KIAA0319: variants seen among roughly 807,000 people sequenced by gnomAD.
KIAA0319 encodes the protein KIAA0319, also known as dyslexia-associated protein KIAA0319.
In KIAA0319, 83 loss-of-function variants were observed where a neutral mutation model predicts 108.4. The observed-to-expected ratio is 0.77, with a 90% CI of 0.64 to 0.92. The LOEUF (loss-of-function observed/expected upper bound fraction) is 0.92. Among genes scored for constraint, KIAA0319 ranks in the 40% least tolerant of loss-of-function variants. The pLI is 0.00. For missense variants in KIAA0319, 1,195 were observed against 1,322.4 expected (o/e 0.90, Z 1.49); for synonymous variants, 484 against 510.4 (o/e 0.95, Z 0.70).
Position 24,588,674 on chromosome 6 carries a change from G to T in KIAA0319, c.913C>A (p.Pro305Thr), listed in dbSNP as rs1767940443. Residue 305 changes from proline to threonine, a missense_variant, in exon 4 of 21, where the codon CCA becomes ACA. Pro to Thr is a conservative substitution (Grantham distance 38). Coordinates refer to ENST00000378214, the MANE Select transcript of KIAA0319 (RefSeq NM_014809.4). ...GGGGCTGCGCTAGTGGGAGGTGTTG[G>T]GATGCTGTGCTCTGTACTCCCCGGG... The part of the protein sequence containing the change: ...VTPGSTEHSI[P>T]TPPTSAAPSE... 1 of 1,613,878 alleles carries T rather than the reference G, an allele frequency of 6.2e-7. No homozygotes were observed. Among genetic ancestry groups the T allele is most frequent in the Non-Finnish European group, 8.5e-7 (1 of 1,179,942 alleles).
downstream of KIAA0319, among the ~76,000 whole-genome samples, chr6:24,542,789 C>G (rs956324004): frequency 2.6e-5 from 4 of 152,218 alleles, no homozygotes; most frequent in Non-Finnish European, 5.9e-5. Flanking sequence ...CCCCCAAAAC[C>G]CACACCTTTG....
At chr6:24,588,907 T>A in intron 3 of KIAA0319, 122 bp from the exon 4 acceptor site, 2 of 781,768 alleles carry the variant, frequency 2.6e-6, no homozygotes, top group Non-Finnish European at 4.1e-6. Flanking sequence ...AAACCATGAA[T>A]AATATTGCAA....
chr6:24,589,388 T>G (rs1284739296), intron 3 of KIAA0319, among the ~76,000 whole-genome samples: 1 of 152,210 alleles, frequency 6.6e-6, no homozygotes, highest in Non-Finnish European at 1.5e-5. Flanking sequence ...TATAAATGTC[T>G]GTTGTTTAAG....
At chr6:24,613,680 A>G (rs991803911) in intron 1 of KIAA0319, among the ~76,000 whole-genome samples, 11 of 82,950 alleles carry the variant, frequency 1.3e-4, no homozygotes, top group East Asian at 9.9e-4. Flanking sequence ...CATTTGAGGG[A>G]AAAAAAAAAA....
intron 1 of KIAA0319, among the ~76,000 whole-genome samples, chr6:24,608,197 G>C (rs190039399): frequency 2.4e-4 from 36 of 152,026 alleles, no homozygotes; most frequent in Admixed American, 1.8e-3. Context: ...ACTTTAAAAT[G>C]CTACTGAGGA....
Position 24,605,315 on chromosome 6 carries a change from A to C in KIAA0319, c.-105-4107T>G, listed in dbSNP as rs1450017934. On this transcript the variant is annotated intron_variant, in intron 1 of 20. Coordinates refer to ENST00000378214, the MANE Select transcript of KIAA0319 (RefSeq NM_014809.4). ...GTCAGTCTTTATACTCAAGACCTCA[A>C]GCTTTCACTGTGGCACCCCCACCCT... is the stretch of plus-strand genomic sequence containing the variant. Among the ~76,000 whole-genome samples the C allele has an allele frequency of 2.6e-5, 4 of 152,082 alleles. No homozygotes were observed. The East Asian group carries it at 7.7e-4, about 29-fold the overall frequency.
chr6:24,635,262 A>G (rs948059407), intron 1 of KIAA0319, among the ~76,000 whole-genome samples: 31 of 151,748 alleles, frequency 2.0e-4, no homozygotes, highest in Admixed American at 5.2e-4. Context: ...ACGCCACCAC[A>G]CCCAACTAAT....
chr6:24,609,273 C>CAAAAAAAAAAAAAAAAAA (rs886616830), intron 1 of KIAA0319, among the ~76,000 whole-genome samples: 4 of 74,728 alleles, frequency 5.4e-5, no homozygotes, highest in Non-Finnish European at 8.5e-5. Context: ...GTCTCAAAAA[C>CAAAAAAAAAAAAAAAAAA]AAAAAAAAAA....
intron 8 of KIAA0319, among the ~76,000 whole-genome samples, chr6:24,579,600 C>T (rs2127480026): frequency 6.7e-6 from 1 of 150,148 alleles, no homozygotes; most frequent in Non-Finnish European, 1.5e-5. Flanking sequence ...GAAGGAGATT[C>T]TTCAATAATT....
At chr6:24,624,856 T>C (rs1774486673) in intron 1 of KIAA0319, among the ~76,000 whole-genome samples, 1 of 152,234 alleles carries the variant, frequency 6.6e-6, no homozygotes. Context: ...CAATGGAACC[T>C]GGAGTGCGGT....
intron 1 of KIAA0319, among the ~76,000 whole-genome samples, chr6:24,609,779 A>G (rs1772033808): frequency 6.6e-6 from 1 of 152,150 alleles, no homozygotes; most frequent in Non-Finnish European, 1.5e-5. Context: ...CCATAAAAGC[A>G]CTACAAGAAA....
chr6:24,578,105 C>G lies in KIAA0319; in HGVS notation c.1505+5G>C. The G allele has an allele frequency of 6.2e-7, 1 of 1,606,608 alleles. No homozygotes were observed. Among genetic ancestry groups the G allele is most frequent in the Non-Finnish European group, 8.5e-7 (1 of 1,177,058 alleles). ...GCAGCACAATAAAGGCAGGGACCCACTTGCCTGAAACTATAGTTACCAGGA... is the reference window on the plus strand; with the variant it reads ...GCAGCACAATAAAGGCAGGGACCCAGTTGCCTGAAACTATAGTTACCAGGA... On this transcript the variant is annotated splice_donor_5th_base_variant and intron_variant, in intron 9 of 20. Coordinates refer to ENST00000378214, the MANE Select transcript of KIAA0319 (RefSeq NM_014809.4).
intron 1 of KIAA0319, among the ~76,000 whole-genome samples, chr6:24,630,239 T>C (rs1173703330): frequency 6.6e-6 from 1 of 151,974 alleles, no homozygotes; most frequent in Non-Finnish European, 1.5e-5. Flanking sequence ...CTGGGTGCAG[T>C]GGCTCACACC....
intron 1 of KIAA0319, among the ~76,000 whole-genome samples, chr6:24,635,303 C>T (rs142490668): frequency 1.3e-3 from 194 of 152,120 alleles, no homozygotes; most frequent in Non-Finnish European, 2.4e-3. Context: ...TGGGGTTTCA[C>T]CATGTTGGAA....
rs201354019 is a variant in KIAA0319 at position 24,624,027 on chromosome 6, T to C, written c.-106+21709A>G. On this transcript the variant is annotated intron_variant, in intron 1 of 20. Transcript: ENST00000378214. The stretch of plus-strand genomic sequence containing the variant: ...GAATTTCTTTGTTTTCTTTTTTTTT[T>C]TTTTTTTTTTTTTTTTAGACAAGGT... 2.7e-4 allele frequency among the ~76,000 whole-genome samples: 38 copies of C among 139,936 alleles called. 1 individual carries two copies. Among genetic ancestry groups the C allele is most frequent in the African/African-American group, 9.3e-4 (35 of 37,732 alleles). 91.8% of individuals were successfully genotyped at this position (139,936 alleles called of 152,430 possible). A position where few individuals can be genotyped will look rare whatever the true frequency, so the allele number is the denominator to read the frequency against.
intron 10 of KIAA0319, among the ~76,000 whole-genome samples, chr6:24,576,149 C>CAA (rs1765462337): frequency 6.6e-6 from 1 of 152,174 alleles, no homozygotes; most frequent in African/African-American, 2.4e-5. Context: ...AGCACAGAGC[C>CAA]AATTGGTTGC....
At chr6:24,594,815 T>C (rs1769202368) in intron 3 of KIAA0319, among the ~76,000 whole-genome samples, 1 of 151,122 alleles carries the variant, frequency 6.6e-6, no homozygotes. Context: ...TACTCCAAGC[T>C]TTTTTTTTAC....
chr6:24,582,095 G>A (rs1339104961), intron 6 of KIAA0319, among the ~76,000 whole-genome samples, 154 bp downstream of exon 6: 3 of 152,192 alleles, frequency 2.0e-5, no homozygotes, highest in Non-Finnish European at 2.9e-5. Context: ...GCAGTGAGCT[G>A]TAATTGCGCT....
intron 20 of KIAA0319, among the ~76,000 whole-genome samples, chr6:24,550,098 T>C (rs1459117397): frequency 2.0e-5 from 3 of 152,250 alleles, no homozygotes; most frequent in Non-Finnish European, 4.4e-5. Flanking sequence ...TGCCACTATT[T>C]GTTCTTCCTG....
Sources: gnomAD v4.1 joint callset for allele counts (sites outside exome capture counted in the v4.1 genomes callset) on GRCh38, gnomAD v4.1.1 for gene constraint, MANE v1.5 for transcripts, NCBI Gene and HGNC (gene_info 2026-07-23, HGNC 2026-07-21) for gene names.